Variants in ZDHHC19 observed in about 807,000 individuals in gnomAD.
The protein encoded by ZDHHC19 is palmitoyltransferase ZDHHC19.
ZDHHC19 carries 30 observed loss-of-function variants against 33.9 expected under a neutral mutation model. That is an observed-to-expected ratio of 0.88 (90% CI 0.66 to 1.20). ZDHHC19 has a LOEUF of 1.20. Ranked by LOEUF, ZDHHC19 falls within the 50% of genes most tolerant of loss-of-function variation. The pLI is 0.00. For synonymous variants in ZDHHC19, 178 were observed against 167.6 expected, an observed-to-expected ratio of 1.06 and a Z score of -0.48; for missense variants, 364 against 401.1, an observed-to-expected ratio of 0.91 and a Z score of 0.79.
intron 5 of ZDHHC19, among the ~76,000 whole-genome samples, chr3:196,205,786 A>G (rs889999988): frequency 2.6e-5 from 4 of 151,952 alleles, no homozygotes; most frequent in African/African-American, 4.8e-5. Flanking sequence ...TCAGCCTCCA[A>G]ATAGCTGGGA....
At chr3:196,202,375 T>C (rs1455427146) in intron 5 of ZDHHC19, 1 of 152,222 alleles carries the variant, frequency 6.6e-6, no homozygotes, top group East Asian at 1.9e-4. Context: ...GTGGTTTATC[T>C]CGCCTGTTCA....
chr3:196,207,522 C>T lies in ZDHHC19; in HGVS notation c.582-19G>A. On this transcript the variant is annotated intron_variant, in intron 4 of 7. Transcript: ENST00000296326. ...CACGATGCTGCGCGGGTTAAGGAAC[C>T]GGGCTGCGGGACCCCCACGCCTGGC... 6.5e-7 allele frequency: 1 copy of T among 1,530,412 alleles called. No homozygotes were observed. Among genetic ancestry groups the T allele is most frequent in the Non-Finnish European group, 8.8e-7 (1 of 1,137,442 alleles). The allele number at this position is 1,530,412 out of a possible 1,614,324, so 94.8% of individuals were successfully genotyped here. A position where few individuals can be genotyped will look rare whatever the true frequency, so the allele number is the denominator to read the frequency against.
At chr3:196,205,014 G>A (rs979191710) in intron 5 of ZDHHC19, among the ~76,000 whole-genome samples, 3 of 152,152 alleles carry the variant, frequency 2.0e-5, no homozygotes, top group African/African-American at 7.2e-5. Flanking sequence ...GCTGAGGTGG[G>A]AGGATCACTT....
In ZDHHC19 at chr3:196,210,729, C is replaced by G; in HGVS notation, c.155G>C (p.Trp52Ser). Reference protein sequence around the residue: ...SGLFFAFPCRWLAQNGEWAFP... With the variant: ...SGLFFAFPCRSLAQNGEWAFP... The stretch of plus-strand genomic sequence containing the variant: ...GGCCCACTCCCCGTTCTGAGCCAGC[C>G]ACCTGCAACTGAGACCAGAGGCAGG... The change falls in exon 2 of 8, where the codon TGG becomes TCG. Residue 52 changes from tryptophan to serine, a missense_variant. By Grantham distance (177) the Trp-to-Ser change is radical. Transcript: ENST00000296326. The G allele has an allele frequency of 6.2e-7, 1 of 1,613,594 alleles. No individual in the cohort carries two copies. Among genetic ancestry groups the G allele is most frequent in the Non-Finnish European group, 8.5e-7 (1 of 1,179,794 alleles).
rs10690372 is a variant in ZDHHC19, at chr3:196,210,285, A to AGAAG, written c.268+327_268+330dup. Among the ~76,000 whole-genome samples the AGAAG allele has an allele frequency of 1.3e-3, 181 of 139,678 alleles. 4 individuals carry two copies. Among genetic ancestry groups the AGAAG allele is most frequent in the African/African-American group, 4.6e-3 (170 of 36,764 alleles). 91.6% of individuals were successfully genotyped at this position (139,678 alleles called of 152,430 possible). On this transcript the variant is annotated intron_variant, in intron 2 of 7. Transcript: ENST00000296326. ...AAAGAAAAGAGAAAGAAAGAAAGAAAGAAGGAAGGAAGGAAAGAGAGAGGA... is the reference window on the plus strand; with the variant it reads ...AAAGAAAAGAGAAAGAAAGAAAGAAAGAAGGAAGGAAGGAAGGAAAGAGAGAGGA...
chr3:196,210,532 G>A, intron 2 of ZDHHC19, 84 bp downstream of exon 2: 1 of 1,586,754 alleles, frequency 6.3e-7, no homozygotes, highest in South Asian at 1.1e-5. Context: ...AGGAGGGTCA[G>A]TAGGAAGAGC....
rs1201284904 is a variant in ZDHHC19 at position 196,203,530 on chromosome 3, G to A, written c.687+3868C>T. On this transcript the variant is annotated intron_variant, in intron 5 of 7. Transcript: ENST00000296326. The surrounding 1 kb of genome is among the most constrained non-coding windows in gnomAD (Gnocchi z 4.3). ...GGCAGAGTTGCAGCCCAGGGATGGA[G>A]GAGGAAGGGAATGAGATTTGGGGCA... 6.6e-6 allele frequency among the ~76,000 whole-genome samples: 1 copy of A among 152,196 alleles called. No individual in the cohort carries two copies. The highest frequency in any genetic ancestry group is 1.9e-4 in the East Asian group (1 of 5,198).
intron 1 of ZDHHC19, 47 bp from the exon 2 acceptor site, chr3:196,210,784 C>T: frequency 6.3e-7 from 1 of 1,599,696 alleles, no homozygotes; most frequent in Non-Finnish European, 8.5e-7. Flanking sequence ...AGCCCAAAGC[C>T]CCCGGCCCAA....
chr3:196,210,565 G>A lies in ZDHHC19; in HGVS notation c.268+51C>T, dbSNP rs369516178. 152 of 1,612,190 alleles carry A rather than the reference G, an allele frequency of 9.4e-5. No individual in the cohort carries two copies. In the African/African-American group the frequency reaches 1.7e-3, roughly 18 times the overall value. On this transcript the variant is annotated intron_variant, in intron 2 of 7. Transcript: ENST00000296326. The stretch of plus-strand genomic sequence containing the variant: ...AGCACTTTAGGAATCCCCCCTGCAG[G>A]TTCCCAGCCCTTGAGTGACACCTCC...
At chr3:196,208,344 G>T in intron 4 of ZDHHC19, 44 bp downstream of exon 4, 20 of 1,481,482 alleles carry the variant, frequency 1.3e-5, no homozygotes, top group Non-Finnish European at 1.6e-5. Flanking sequence ...CCCCCTCCTT[G>T]GCTGTCCCCG....
rs1386161498 is a variant in ZDHHC19, at chr3:196,210,374, AAG to A, written c.268+240_268+241del. On this transcript the variant is annotated intron_variant, in intron 2 of 7. Coordinates refer to ENST00000296326, the MANE Select transcript of ZDHHC19 (RefSeq NM_001039617.2). ...AAAGAAAGAAAGAAGGAAGGAAGGA[AAG>A]AGAGAGGAAGGAAGGAAAGAAAGAG... is the stretch of plus-strand genomic sequence containing the variant. 2.5e-4 allele frequency among the ~76,000 whole-genome samples: 26 copies of A among 105,156 alleles called. 1 individual carries two copies. Among genetic ancestry groups the A allele is most frequent in the African/African-American group, 6.5e-4 (22 of 33,634 alleles). The allele number at this position is 105,156 out of a possible 152,430, so 69.0% of individuals were successfully genotyped here.
chr3:196,208,203 G>T (rs1039096235), intron 4 of ZDHHC19, among the ~76,000 whole-genome samples, 185 bp downstream of exon 4: 2 of 151,946 alleles, frequency 1.3e-5, no homozygotes, highest in African/African-American at 2.4e-5. Flanking sequence ...CGGCCCGGGG[G>T]AGGCTTAACG....
intron 7 of ZDHHC19, 119 bp downstream of exon 7, chr3:196,198,157 T>C (rs1721942140): frequency 9.8e-7 from 1 of 1,022,796 alleles, no homozygotes; most frequent in Non-Finnish European, 1.3e-6. Context: ...CCCCCCAAGC[T>C]CGGAGCGCTC....
rs146588946 is a variant in ZDHHC19, at chr3:196,204,000, C to T, written c.687+3398G>A. 6.6e-6 allele frequency among the ~76,000 whole-genome samples: 1 copy of T among 152,120 alleles called. No homozygotes were observed. The highest frequency in any genetic ancestry group is 1.5e-5 in the Non-Finnish European group (1 of 68,028). On this transcript the variant is annotated intron_variant, in intron 5 of 7. Coordinates refer to ENST00000296326, the MANE Select transcript of ZDHHC19 (RefSeq NM_001039617.2). The surrounding 1 kb of genome is among the most constrained non-coding windows in gnomAD (Gnocchi z 4.3). ...GTGACCTGCTGAAGGAGTCTCATGG[C>T]GCGGATGTCCACCCTCACCACTCCT...
rs2108738803 is a variant in ZDHHC19 at position 196,208,488 on chromosome 3, C to A, written c.481G>T (p.Val161Phe). 1 of 1,614,198 alleles carries A rather than the reference C, an allele frequency of 6.2e-7. No homozygotes were observed. The highest frequency in any genetic ancestry group is 2.2e-5 in the East Asian group (1 of 44,892). Reference protein sequence around the residue: ...HRNFRFFMLLVLSLCLYSGAM... With the variant: ...HRNFRFFMLLFLSLCLYSGAM... ...CCCGAGTAGAGGCACAGGGACAGGA[C>A]AAGCAGCATGAAGAAGCGGAAGTTG... The change falls in exon 4 of 8, where the codon GTC becomes TTC. Residue 161 changes from valine (V) to phenylalanine (F), a missense_variant. Coordinates refer to ENST00000296326, the MANE Select transcript of ZDHHC19 (RefSeq NM_001039617.2).
chr3:196,200,562 G>C (rs551688330), intron 5 of ZDHHC19, among the ~76,000 whole-genome samples: 6 of 148,812 alleles, frequency 4.0e-5, no homozygotes, highest in East Asian at 3.9e-4. Flanking sequence ...CACCGTGTTA[G>C]CCAGGATGGT....
intron 5 of ZDHHC19, among the ~76,000 whole-genome samples, chr3:196,200,638 G>C (rs915825613): frequency 1.4e-5 from 2 of 146,924 alleles, no homozygotes; most frequent in African/African-American, 5.1e-5. Context: ...ACAAGCGTGA[G>C]CCACCACGCC....
chr3:196,210,434 GA>G (rs1723188769), intron 2 of ZDHHC19, among the ~76,000 whole-genome samples, 181 bp downstream of exon 2: 1 of 92,422 alleles, frequency 1.1e-5, no homozygotes, highest in Non-Finnish European at 2.1e-5. Context: ...AAGAAAGAAA[GA>G]GAAAGAAAGA....
At chr3:196,209,622 G>A in intron 2 of ZDHHC19, 107 bp from the exon 3 acceptor site, 2 of 1,425,766 alleles carry the variant, frequency 1.4e-6, no homozygotes, top group Non-Finnish European at 1.9e-6. Flanking sequence ...GACAAGGTGG[G>A]CAGGGGAACC....
Sources: allele counts gnomAD v4.1 joint callset (sites outside exome capture counted in the v4.1 genomes callset), GRCh38; gene constraint gnomAD v4.1.1; non-coding constraint Gnocchi (gnomAD v3.1); transcripts MANE v1.5; gene names NCBI Gene and HGNC (gene_info 2026-07-23, HGNC 2026-07-21).